The following ERBB4 variants were observed in gnomAD, a reference collection of about 807,000 sequenced individuals.
ERBB4 encodes erb-b2 receptor tyrosine kinase 4.
ERBB4 carries 42 observed loss-of-function variants against 158.0 expected under a neutral mutation model. The ratio of observed to expected loss-of-function variants is 0.27; its 90% CI spans 0.21 to 0.34. The LOEUF is 0.34. Ranked by LOEUF, ERBB4 falls within the 10% of genes least tolerant of loss-of-function variation. The probability of loss-of-function intolerance (pLI) is 1.00; values close to 1 mark genes in which losing one functional copy is unlikely to be tolerated. For synonymous variants in ERBB4, 583 were observed against 558.7 expected, an observed-to-expected ratio of 1.04 and a Z score of -0.61; for missense variants, 1,333 against 1,624.1, an observed-to-expected ratio of 0.82 and a Z score of 3.08.
At chr2:212,216,449 T>C (rs2083102296) in intron 1 of ERBB4, among the ~76,000 whole-genome samples, 1 of 151,290 alleles carries the variant, frequency 6.6e-6, no homozygotes, top group Admixed American at 6.6e-5. Flanking sequence ...TTATGCAGGA[T>C]TGTCACTCCC....
intron 20 of ERBB4, among the ~76,000 whole-genome samples, chr2:211,458,954 CTTTT>C (rs1230307629): frequency 6.6e-6 from 1 of 152,116 alleles, no homozygotes; most frequent in Non-Finnish European, 1.5e-5. Flanking sequence ...AAAGCTTCCT[CTTTT>C]TGTTTTCCCA....
chr2:211,628,622 A>G (rs1404990496), intron 17 of ERBB4, among the ~76,000 whole-genome samples: 1 of 152,198 alleles, frequency 6.6e-6, no homozygotes, highest in Non-Finnish European at 1.5e-5. Context: ...TAGTGCCGCA[A>G]TAAACATACA....
intron 3 of ERBB4, among the ~76,000 whole-genome samples, chr2:211,894,413 G>C (rs551013676): frequency 0.068 from 8,761 of 128,890 alleles, 384 homozygotes; most frequent in Middle Eastern, 0.09. Context: ...GACTGTGGTG[G>C]GGTGGGGGGA....
At chr2:212,058,804 G>T (rs1575579978) in intron 2 of ERBB4, among the ~76,000 whole-genome samples, 2 of 152,108 alleles carry the variant, frequency 1.3e-5, no homozygotes, top group East Asian at 1.9e-4. Flanking sequence ...AATAATAAGA[G>T]CTTTTTATGA....
At chr2:211,829,725 G>A (rs1311962327) in intron 3 of ERBB4, among the ~76,000 whole-genome samples, 2 of 152,012 alleles carry the variant, frequency 1.3e-5, no homozygotes, top group Middle Eastern at 3.2e-3. Context: ...AATATGTCAG[G>A]TTGTTTCTTA....
intron 20 of ERBB4, among the ~76,000 whole-genome samples, chr2:211,463,892 G>A (rs372777618): frequency 2.6e-5 from 4 of 151,948 alleles, no homozygotes; most frequent in African/African-American, 4.8e-5. Flanking sequence ...CATCACTCAC[G>A]TTGCTGTAGC....
intron 20 of ERBB4, among the ~76,000 whole-genome samples, chr2:211,527,101 G>T (rs1253801451): frequency 6.6e-6 from 1 of 152,114 alleles, no homozygotes; most frequent in East Asian, 1.9e-4. Flanking sequence ...GAAGGTTACA[G>T]AACACTAACC....
chr2:211,844,081 G>A (rs1015390136), intron 3 of ERBB4, among the ~76,000 whole-genome samples: 2 of 151,966 alleles, frequency 1.3e-5, no homozygotes, highest in African/African-American at 4.8e-5. Flanking sequence ...TAAAATCCCT[G>A]AAAATACACA....
At chr2:211,417,527 GC>G (rs146050251) in intron 25 of ERBB4, among the ~76,000 whole-genome samples, 1,714 of 152,222 alleles carry the variant, frequency 0.011, 29 homozygotes, top group African/African-American at 0.039. Context: ...AATAGTAACA[GC>G]AGCTGTAAAT....
chr2:211,524,666 T>A (rs2066291617), intron 20 of ERBB4, among the ~76,000 whole-genome samples: 1 of 147,562 alleles, frequency 6.8e-6, no homozygotes, highest in Non-Finnish European at 1.5e-5. Context: ...CGCCGGCTGC[T>A]CCGAGTGCGG....
chr2:212,030,212 T>C (rs1032577368), intron 2 of ERBB4, among the ~76,000 whole-genome samples: 6 of 152,100 alleles, frequency 3.9e-5, no homozygotes, highest in Non-Finnish European at 8.8e-5. Flanking sequence ...ATCCTTTCAG[T>C]TCTACTTCAA....
chr2:212,063,381 T>G (rs1263037579), intron 2 of ERBB4, among the ~76,000 whole-genome samples: 2 of 152,118 alleles, frequency 1.3e-5, no homozygotes, highest in Non-Finnish European at 2.9e-5. Context: ...AATGTTATCT[T>G]AAATAGTTTG....
intron 20 of ERBB4, among the ~76,000 whole-genome samples, chr2:211,499,971 T>C (rs12104670): frequency 0.11 from 17,015 of 152,096 alleles, 1,227 homozygotes; most frequent in African/African-American, 0.2. Flanking sequence ...AAGAAATGCA[T>C]AATGATGTAC....
At chr2:211,998,328 T>A (rs1248688320) in intron 2 of ERBB4, among the ~76,000 whole-genome samples, 1 of 151,902 alleles carries the variant, frequency 6.6e-6, no homozygotes, top group African/African-American at 2.4e-5. Flanking sequence ...CTGTTGAATT[T>A]TTTTACAGGG....
chr2:211,561,666 T>C, intron 20 of ERBB4: 1 of 511,376 alleles, frequency 2.0e-6, no homozygotes, highest in East Asian at 3.6e-5. Flanking sequence ...AAGCTATTTG[T>C]TTTGGCACCT....
At chr2:211,667,113 A>C (rs1013942192) in intron 14 of ERBB4, among the ~76,000 whole-genome samples, 1 of 151,904 alleles carries the variant, frequency 6.6e-6, no homozygotes, top group African/African-American at 2.4e-5. Context: ...AAAAAATTGC[A>C]AAAAAACTCA....
intron 2 of ERBB4, among the ~76,000 whole-genome samples, chr2:212,001,231 G>A (rs535219904): frequency 4.2e-4 from 64 of 152,004 alleles, no homozygotes; most frequent in Non-Finnish European, 6.0e-4. Flanking sequence ...TTCTAAATAT[G>A]GGCAGTGGTT....
chr2:212,060,986 TAAATA>T, intron 2 of ERBB4, among the ~76,000 whole-genome samples: 1 of 149,834 alleles, frequency 6.7e-6, no homozygotes, highest in South Asian at 2.1e-4. Flanking sequence ...AATAAATAAA[TAAATA>T]AAATAAAAAA....
chr2:211,560,684 A>T (rs1574751243), intron 20 of ERBB4, among the ~76,000 whole-genome samples: 1 of 152,158 alleles, frequency 6.6e-6, no homozygotes, highest in African/African-American at 2.4e-5. Flanking sequence ...CCATTTCGGA[A>T]GTGCTATATT....
Sources: gnomAD v4.1 joint callset for allele counts (sites outside exome capture counted in the v4.1 genomes callset) on GRCh38, gnomAD v4.1.1 for gene constraint, MANE v1.5 for transcripts, NCBI Gene and HGNC (gene_info 2026-07-23, HGNC 2026-07-21) for gene names.